The following MROH6 variants were observed in gnomAD, a reference collection of about 807,000 sequenced individuals.
The protein encoded by MROH6 is maestro heat-like repeat-containing protein family member 6.
MROH6 carries 62 observed loss-of-function variants against 67.7 expected under a neutral mutation model. The observed-to-expected ratio is 0.92, with a 90% CI of 0.75 to 1.13. The LOEUF (loss-of-function observed/expected upper bound fraction) is 1.13, where lower values mean the gene tolerates loss of function less well. MROH6 is among the 50% of genes most tolerant of loss of function. MROH6 has a pLI of 0.00. For synonymous variants in MROH6, 566 were observed against 470.8 expected, an observed-to-expected ratio of 1.20 and a Z score of -2.62; for missense variants, 1,175 against 1,029.1, an observed-to-expected ratio of 1.14 and a Z score of -1.94.
rs1405179163 is a variant in MROH6 at position 143,572,415 on chromosome 8, C to A, written c.294+6G>T. The A allele has an allele frequency of 1.9e-6, 3 of 1,559,858 alleles. No homozygotes were observed. Among genetic ancestry groups the A allele is most frequent in the Admixed American group, 1.8e-5 (1 of 55,864 alleles). ...TTCGCACAACATCCCTTCCCTCCCC[C>A]GTCACCTGGTGGGGCCCCTCAGGGG... On this transcript the variant is annotated splice_donor_region_variant and intron_variant, in intron 1 of 13. Transcript: ENST00000398882.
At chr8:143,572,394 CACA>C (rs773670795) in intron 1 of MROH6, 24 bp downstream of exon 1, 17 of 1,531,912 alleles carry the variant, frequency 1.1e-5, no homozygotes, top group East Asian at 9.2e-5. Flanking sequence ...GGCCGGTTCG[CACA>C]ACATCCCTTC....
rs1253903202 is a variant in MROH6, at chr8:143,567,601, G to C, written c.1933+10C>G. 3 of 1,554,962 alleles carry C rather than the reference G, an allele frequency of 1.9e-6. No individual in the cohort carries two copies. The African/African-American group carries it at 4.1e-5, about 21-fold the overall frequency. On this transcript the variant is annotated intron_variant, in intron 13 of 13. Coordinates refer to ENST00000398882, the MANE Select transcript of MROH6 (RefSeq NM_001100878.2). ...CCAGGACACCATCCCCTGGCAAGGT[G>C]GGGCCTCACCCTGGAACAGGGAGTC... is the stretch of plus-strand genomic sequence containing the variant.
Position 143,569,982 on chromosome 8 carries a change from T to G in MROH6, c.1127A>C (p.Gln376Pro). Residue 376 changes from glutamine to proline, a missense_variant, in exon 7 of 14, where the codon CAG becomes CCG. Coordinates refer to ENST00000398882, the MANE Select transcript of MROH6 (RefSeq NM_001100878.2). ...LPRLRSADDP[Q>P]RLTAMAFFTG... ...GAAGAAGGCCATAGCCGTGAGACGC[T>G]GCGGGTCGTCCGCGCTGCGAAGCCG... The G allele has an allele frequency of 6.2e-7, 1 of 1,613,234 alleles. No individual in the cohort carries two copies. Among genetic ancestry groups the G allele is most frequent in the Non-Finnish European group, 8.5e-7 (1 of 1,179,838 alleles).
At position 143,569,971 on chromosome 8, in the gene MROH6, C is replaced by T. The variant is rs747265804; in HGVS notation, c.1138G>A (p.Ala380Thr). The T allele has an allele frequency of 4.4e-6, 7 of 1,608,510 alleles. No homozygotes were observed. Among genetic ancestry groups the T allele is most frequent in the Non-Finnish European group, 5.9e-6 (7 of 1,179,800 alleles). ...RSADDPQRLT[A>T]MAFFTGLLQS... ...CTCACCCCTGTGAAGAAGGCCATAGCCGTGAGACGCTGCGGGTCGTCCGCG... is the reference window on the plus strand; with the variant it reads ...CTCACCCCTGTGAAGAAGGCCATAGTCGTGAGACGCTGCGGGTCGTCCGCG... Residue 380 changes from alanine (A) to threonine (T), a missense_variant, in exon 7 of 14, where the codon GCT (alanine) becomes ACT (threonine). Physicochemically the swap from Ala to Thr is moderately conservative, Grantham distance 58. Transcript: ENST00000398882.
chr8:143,568,793 G>T (rs1389033890), intron 9 of MROH6, 74 bp from the exon 10 acceptor site: 2 of 1,209,726 alleles, frequency 1.7e-6, no homozygotes, highest in South Asian at 1.6e-5. Flanking sequence ...CGGCCAGCGC[G>T]GAGCGAGGAA....
Position 143,569,727 on chromosome 8 carries a change from G to A in MROH6, c.1272C>T (p.Gly424=). 1 of 1,613,150 alleles carries A rather than the reference G, an allele frequency of 6.2e-7. No individual in the cohort carries two copies. The highest frequency in any genetic ancestry group is 1.1e-5 in the South Asian group (1 of 91,082). Residue 424 remains glycine, a synonymous_variant, in exon 8 of 14, where the codon GGC becomes GGT. Coordinates refer to ENST00000398882, the MANE Select transcript of MROH6 (RefSeq NM_001100878.2). ...TGCGATTCAGCGCGAGGTGGCCCAG[G>A]CCCAGCAGGCCCAACCAGCGCACAG... ...EPTVRWLGLL[G]LGHLALNRRK...
intron 4 of MROH6, 58 bp downstream of exon 4, chr8:143,570,819 G>A (rs981881860): frequency 2.5e-5 from 32 of 1,259,568 alleles, no homozygotes; most frequent in African/African-American, 1.2e-4. Flanking sequence ...CATCCTCCCC[G>A]CTCCTCGCCA....
rs975281391 is a variant in MROH6 at position 143,568,379 on chromosome 8, C to T, written c.1645-118G>A. ...GGGCAGAAGAGCCCAGGGCAGGAGA[C>T]TGGATTGATTCTGCTCAAGGGAAGA... On this transcript the variant is annotated intron_variant, in intron 10 of 13. Coordinates refer to ENST00000398882, the MANE Select transcript of MROH6 (RefSeq NM_001100878.2). 157 of 1,455,250 alleles carry T rather than the reference C, an allele frequency of 1.1e-4. 1 individual carries two copies. The Middle Eastern group carries it at 1.1e-3, about 10-fold the overall frequency. The allele number at this position is 1,455,250 out of a possible 1,614,324, so 90.1% of individuals were successfully genotyped here. A position where few individuals can be genotyped will look rare whatever the true frequency, so the allele number is the denominator to read the frequency against.
In MROH6 at chr8:143,570,953, C is replaced by T. The variant is rs202222665; in HGVS notation, c.644G>A (p.Arg215His). The stretch of plus-strand genomic sequence containing the variant: ...TTGCACCAGCACCTGCCCATTTACA[C>T]GCTGGTTACGGCTTAGGCTGCGCCA... ...ELWRSLSRNQ[R>H]VNGQVLVQLL... The change falls in exon 4 of 14, where the codon CGT (arginine) becomes CAT (histidine). Residue 215 changes from arginine to histidine, a missense_variant. Transcript: ENST00000398882. The T allele has an allele frequency of 1.5e-5, 24 of 1,548,432 alleles. No individual in the cohort carries two copies. Among genetic ancestry groups the T allele is most frequent in the East Asian group, 9.8e-5 (4 of 40,832 alleles).
intron 9 of MROH6, 60 bp from the exon 10 acceptor site, chr8:143,568,779 G>A: frequency 1.6e-6 from 2 of 1,276,056 alleles, no homozygotes; most frequent in Middle Eastern, 2.8e-4. Flanking sequence ...AGGGTGGGAG[G>A]GGGCGGCCAG....
rs1298735178 is a variant in MROH6, at chr8:143,569,500, C to T, written c.1417G>A (p.Ala473Thr). The T allele has an allele frequency of 1.3e-6, 2 of 1,487,044 alleles. No individual in the cohort carries two copies. The highest frequency in any genetic ancestry group is 1.8e-6 in the Non-Finnish European group (2 of 1,128,020). The allele number at this position is 1,487,044 out of a possible 1,614,324, so 92.1% of individuals were successfully genotyped here. ...ALRRLLLRPR[A>T]PVRLLSAELG... ...TCCGCGCTCAGGAGCCGCACAGGCG[C>T]CCGGGGCCGCAGCAGGAGCCTCCTC... Residue 473 changes from alanine (A) to threonine (T), a missense_variant, in exon 9 of 14, where the codon GCG becomes ACG. Physicochemically the swap from Ala to Thr is moderately conservative, Grantham distance 58. Coordinates refer to ENST00000398882, the MANE Select transcript of MROH6 (RefSeq NM_001100878.2).
chr8:143,568,711 G>A lies in MROH6; in HGVS notation c.1485C>T (p.Asp495=), dbSNP rs560599830. ...GCCCGACGGCCGAGGCGCGGATTGA[G>A]TCCCGTGTCTGCGTGGGAGGGCGCA... ...RLPPLLDDTR[D]SIRASAVGLL... The change falls in exon 10 of 14, where the codon GAC becomes GAT. Residue 495 remains aspartate (D), a synonymous_variant. Coordinates refer to ENST00000398882, the MANE Select transcript of MROH6 (RefSeq NM_001100878.2). 5.4e-6 allele frequency: 8 copies of A among 1,490,574 alleles called. No homozygotes were observed. The highest frequency in any genetic ancestry group is 5.1e-5 in the South Asian group (4 of 78,434). The allele number at this position is 1,490,574 out of a possible 1,614,324, so 92.3% of individuals were successfully genotyped here.
chr8:143,567,908 T>C lies in MROH6; in HGVS notation c.1765-20A>G. ...CTGAACCTGGGGACAAAAGGGCTAGTGGCAGGACAGGAGGGCTGATCCTGA... is the reference window on the plus strand; with the variant it reads ...CTGAACCTGGGGACAAAAGGGCTAGCGGCAGGACAGGAGGGCTGATCCTGA... On this transcript the variant is annotated intron_variant, in intron 11 of 13. Transcript: ENST00000398882. The C allele has an allele frequency of 6.6e-7, 1 of 1,516,414 alleles. No individual in the cohort carries two copies. Among genetic ancestry groups the C allele is most frequent in the South Asian group, 1.3e-5 (1 of 75,190 alleles). 93.9% of individuals were successfully genotyped at this position (1,516,414 alleles called of 1,614,324 possible).
At position 143,572,136 on chromosome 8, in the gene MROH6, T is replaced by C; in HGVS notation, c.344A>G (p.Tyr115Cys). ...AGCCTCCTCCAGGCAGGCAGCCGTGTACAACGCGAGGTCGGCAAGAACTCC... is the reference window on the plus strand; with the variant it reads ...AGCCTCCTCCAGGCAGGCAGCCGTGCACAACGCGAGGTCGGCAAGAACTCC... ...EEGVLADLAL[Y>C]TAACLEEAGF... The change falls in exon 2 of 14, where the codon TAC becomes TGC. Residue 115 changes from tyrosine to cysteine, a missense_variant. Tyr to Cys is a radical substitution (Grantham distance 194). Transcript: ENST00000398882. 6.2e-7 allele frequency: 1 copy of C among 1,613,012 alleles called. No homozygotes were observed. The highest frequency in any genetic ancestry group is 8.5e-7 in the Non-Finnish European group (1 of 1,179,862).
Position 143,567,232 on chromosome 8 carries a change from C to T in MROH6, c.*7G>A, listed in dbSNP as rs1226385631. The T allele has an allele frequency of 1.6e-6, 2 of 1,220,316 alleles. No homozygotes were observed. The highest frequency in any genetic ancestry group is 2.0e-6 in the Non-Finnish European group (2 of 979,944). 75.6% of individuals were successfully genotyped at this position (1,220,316 alleles called of 1,614,324 possible). Reference sequence around the variant, plus strand: ...GGACCCTGGCCCTCGGGCCCCAGCCCCGAGCCTCAGGCTCGGCGGGGTCCG... The same window carrying T: ...GGACCCTGGCCCTCGGGCCCCAGCCTCGAGCCTCAGGCTCGGCGGGGTCCG... On this transcript the variant is annotated 3_prime_UTR_variant, in exon 14 of 14. Coordinates refer to ENST00000398882, the MANE Select transcript of MROH6 (RefSeq NM_001100878.2).
In MROH6 at chr8:143,572,023, G is replaced by T; in HGVS notation, c.447+10C>A. 6.2e-7 allele frequency: 1 copy of T among 1,608,696 alleles called. No homozygotes were observed. Among genetic ancestry groups the T allele is most frequent in the South Asian group, 1.1e-5 (1 of 90,672 alleles). ...GGATTCTGTAGGGCATGAAGTGGGTGAAGGCTGACCTGGTCCTCCAACCGC... is the reference window on the plus strand; with the variant it reads ...GGATTCTGTAGGGCATGAAGTGGGTTAAGGCTGACCTGGTCCTCCAACCGC... On this transcript the variant is annotated intron_variant, in intron 2 of 13. Coordinates refer to ENST00000398882, the MANE Select transcript of MROH6 (RefSeq NM_001100878.2).
At position 143,572,417 on chromosome 8, in the gene MROH6, T is replaced by C; in HGVS notation, c.294+4A>G. On this transcript the variant is annotated splice_donor_region_variant and intron_variant, in intron 1 of 13. Coordinates refer to ENST00000398882, the MANE Select transcript of MROH6 (RefSeq NM_001100878.2). ...CGCACAACATCCCTTCCCTCCCCCGTCACCTGGTGGGGCCCCTCAGGGGCT... is the reference window on the plus strand; with the variant it reads ...CGCACAACATCCCTTCCCTCCCCCGCCACCTGGTGGGGCCCCTCAGGGGCT... 6.4e-7 allele frequency: 1 copy of C among 1,561,454 alleles called. No individual in the cohort carries two copies. Among genetic ancestry groups the C allele is most frequent in the Non-Finnish European group, 8.6e-7 (1 of 1,156,656 alleles).
At position 143,572,507 on chromosome 8, in the gene MROH6, C is replaced by G. The variant is rs1251854222; in HGVS notation, c.208G>C (p.Gly70Arg). The part of the protein sequence containing the change: ...ALTAPSEAEP[G>R]RGATVPEAGS... Reference sequence around the variant, plus strand: ...GCTTCAGGGACGGTGGCCCCACGTCCAGGCTCTGCCTCAGAGGGGGCGGTG... The same window carrying G: ...GCTTCAGGGACGGTGGCCCCACGTCGAGGCTCTGCCTCAGAGGGGGCGGTG... Residue 70 changes from glycine to arginine, a missense_variant, in exon 1 of 14, where the codon GGA becomes CGA. Physicochemically the swap from Gly to Arg is moderately radical, Grantham distance 125. Coordinates refer to ENST00000398882, the MANE Select transcript of MROH6 (RefSeq NM_001100878.2). 1 of 1,605,480 alleles carries G rather than the reference C, an allele frequency of 6.2e-7. No homozygotes were observed. The highest frequency in any genetic ancestry group is 8.5e-7 in the Non-Finnish European group (1 of 1,177,368).
intron 10 of MROH6, 72 bp downstream of exon 10, chr8:143,568,480 C>T (rs549467884): frequency 4.8e-6 from 7 of 1,457,686 alleles, no homozygotes; most frequent in South Asian, 2.8e-5. Flanking sequence ...CTGTAATTGT[C>T]GGAGGGGAGG....
Sources: allele counts gnomAD v4.1 joint callset, GRCh38; gene constraint gnomAD v4.1.1; transcripts MANE v1.5; gene names NCBI Gene and HGNC (gene_info 2026-07-23, HGNC 2026-07-21).